The following ADAMTS12 variants were observed in gnomAD, a reference collection of about 807,000 sequenced individuals.
ADAMTS12 encodes the protein ADAM metallopeptidase with thrombospondin type 1 motif 12, also known as A disintegrin and metalloproteinase with thrombospondin motifs 12.
Under a neutral mutation model 167.8 loss-of-function variants are expected in ADAMTS12, and 118 were observed. The observed-to-expected ratio is 0.70, with a 90% CI of 0.61 to 0.82. The LOEUF (loss-of-function observed/expected upper bound fraction) is 0.82. Among genes scored for constraint, ADAMTS12 ranks in the 40% least tolerant of loss-of-function variants. The probability of loss-of-function intolerance (pLI) is 0.00; values close to 1 mark genes in which losing one functional copy is unlikely to be tolerated. For synonymous variants in ADAMTS12, 704 were observed against 716.9 expected (o/e 0.98, Z 0.29); for missense variants, 1,916 against 1,998.8 (o/e 0.96, Z 0.79).
intron 23 of ADAMTS12, among the ~76,000 whole-genome samples, chr5:33,530,137 G>A (rs1744025806): frequency 6.6e-6 from 1 of 151,872 alleles, no homozygotes; most frequent in Admixed American, 6.6e-5. Flanking sequence ...TGTTGGTCAG[G>A]CTGGTCTTGA....
intron 3 of ADAMTS12, among the ~76,000 whole-genome samples, chr5:33,718,846 A>G (rs1743704333): frequency 1.3e-5 from 2 of 152,198 alleles, no homozygotes; most frequent in Admixed American, 6.5e-5. Context: ...AAAATATTGC[A>G]TGCACTTGCC....
intron 21 of ADAMTS12, among the ~76,000 whole-genome samples, chr5:33,548,859 A>C (rs1280069486): frequency 1.3e-5 from 2 of 152,188 alleles, no homozygotes; most frequent in African/African-American, 4.8e-5. Flanking sequence ...CTCTGTCTGT[A>C]AGTGGCTCTC....
intron 3 of ADAMTS12, among the ~76,000 whole-genome samples, chr5:33,718,193 A>G (rs2112329943): frequency 6.6e-6 from 1 of 152,350 alleles, no homozygotes; most frequent in Non-Finnish European, 1.5e-5. Context: ...ATCTATCTCC[A>G]TATGTATGAT....
At chr5:33,542,842 T>C (rs1292078522) in intron 22 of ADAMTS12, among the ~76,000 whole-genome samples, 1 of 152,136 alleles carries the variant, frequency 6.6e-6, no homozygotes, top group Non-Finnish European at 1.5e-5. Flanking sequence ...TGTACCAGAA[T>C]CTCTGGGACA....
intron 3 of ADAMTS12, among the ~76,000 whole-genome samples, chr5:33,722,366 G>C (rs1010468314): frequency 9.2e-5 from 14 of 152,124 alleles, no homozygotes; most frequent in African/African-American, 3.4e-4. Context: ...AGTTATATTA[G>C]TGTTAGTATT....
chr5:33,741,097 G>A (rs2112371399), intron 3 of ADAMTS12, among the ~76,000 whole-genome samples: 1 of 152,324 alleles, frequency 6.6e-6, no homozygotes, highest in South Asian at 2.1e-4. Context: ...GTGTGTGTGT[G>A]CAGTTTCCTG....
rs539693856 is a variant in ADAMTS12, at chr5:33,684,023, A to G, written c.667T>C (p.Trp223Arg). 77 of 1,605,918 alleles carry G rather than the reference A, an allele frequency of 4.8e-5. No individual in the cohort carries two copies. Among genetic ancestry groups the G allele is most frequent in the Non-Finnish European group, 6.4e-5 (75 of 1,176,074 alleles). The change falls in exon 4 of 24, where the codon TGG becomes CGG. Residue 223 changes from tryptophan to arginine, a missense_variant. Transcript: ENST00000504830. ...SVNISQKQELWREKWERHNLP... is the reference protein window; with the variant it reads ...SVNISQKQELRREKWERHNLP... ...TTGTGCCTCTCCCACTTCTCCCGCCATAGCTCTTGCTTCTGGGAGATGTTA... is the reference window on the plus strand; with the variant it reads ...TTGTGCCTCTCCCACTTCTCCCGCCGTAGCTCTTGCTTCTGGGAGATGTTA...
intron 22 of ADAMTS12, among the ~76,000 whole-genome samples, chr5:33,540,548 C>T (rs577844571): frequency 1.2e-3 from 183 of 152,362 alleles, no homozygotes; most frequent in African/African-American, 4.2e-3. Flanking sequence ...TGGAACACAC[C>T]TCCCAGCAGG....
chr5:33,596,657 G>A (rs995406189), intron 16 of ADAMTS12, among the ~76,000 whole-genome samples: 1 of 152,150 alleles, frequency 6.6e-6, no homozygotes, highest in African/African-American at 2.4e-5. Context: ...ACTCCAGCCT[G>A]GGCAACAGAG....
chr5:33,596,087 C>G (rs781773875), intron 16 of ADAMTS12, 27 bp from the exon 17 acceptor site: 1 of 1,612,296 alleles, frequency 6.2e-7, no homozygotes, highest in Admixed American at 1.7e-5. Context: ...AAGATTCACA[C>G]ATATTGAATC....
At chr5:33,812,918 T>C (rs1035977388) in intron 2 of ADAMTS12, among the ~76,000 whole-genome samples, 1 of 152,180 alleles carries the variant, frequency 6.6e-6, no homozygotes, top group Non-Finnish European at 1.5e-5. Flanking sequence ...CATCTTTTCA[T>C]TTAGAACCTA....
At chr5:33,732,067 T>C (rs1368160078) in intron 3 of ADAMTS12, among the ~76,000 whole-genome samples, 4 of 152,040 alleles carry the variant, frequency 2.6e-5, no homozygotes, top group African/African-American at 7.2e-5. Context: ...ACAGCATAGA[T>C]TAGTGATGTC....
intron 2 of ADAMTS12, among the ~76,000 whole-genome samples, chr5:33,795,635 C>G (rs918613941): frequency 6.6e-6 from 1 of 152,198 alleles, no homozygotes; most frequent in Non-Finnish European, 1.5e-5. Context: ...ACTCCTCAAG[C>G]TCTGGCTATA....
intron 16 of ADAMTS12, among the ~76,000 whole-genome samples, chr5:33,597,278 G>T (rs1430036122): frequency 6.6e-6 from 1 of 152,210 alleles, no homozygotes; most frequent in African/African-American, 2.4e-5. Flanking sequence ...CCTTGAAAGG[G>T]CTAGTGCTCA....
intron 18 of ADAMTS12, among the ~76,000 whole-genome samples, chr5:33,587,797 C>T (rs1329467769): frequency 6.6e-6 from 1 of 152,162 alleles, no homozygotes; most frequent in African/African-American, 2.4e-5. Context: ...AAGATAAAGT[C>T]AGCATCCATC....
At chr5:33,758,082 T>C (rs1276549955) in intron 2 of ADAMTS12, among the ~76,000 whole-genome samples, 1 of 152,176 alleles carries the variant, frequency 6.6e-6, no homozygotes, top group Non-Finnish European at 1.5e-5. Flanking sequence ...GTCATGTGTA[T>C]TAAACGAGTC....
intron 17 of ADAMTS12, among the ~76,000 whole-genome samples, chr5:33,590,167 C>CTT (rs1747561699): frequency 6.6e-6 from 1 of 152,218 alleles, no homozygotes; most frequent in Non-Finnish European, 1.5e-5. Flanking sequence ...CTGAAAAGGT[C>CTT]TTAATCTGAG....
chr5:33,665,797 A>G (rs968686529), intron 5 of ADAMTS12, among the ~76,000 whole-genome samples: 5 of 152,208 alleles, frequency 3.3e-5, no homozygotes, highest in Non-Finnish European at 5.9e-5. Flanking sequence ...GCTGGACAAT[A>G]TATCTGCCTT....
intron 2 of ADAMTS12, among the ~76,000 whole-genome samples, chr5:33,861,924 G>A (rs1481657076): frequency 6.6e-6 from 1 of 152,158 alleles, no homozygotes; most frequent in Admixed American, 6.5e-5. Flanking sequence ...GCTCCCAAAT[G>A]ACTAATGGGT....
Sources: gnomAD v4.1 joint callset for allele counts (sites outside exome capture counted in the v4.1 genomes callset) on GRCh38, gnomAD v4.1.1 for gene constraint, MANE v1.5 for transcripts, NCBI Gene and HGNC (gene_info 2026-07-23, HGNC 2026-07-21) for gene names.